The following LHFPL3 variants were observed in gnomAD, a reference collection of about 807,000 sequenced individuals.
LHFPL3 encodes the protein LHFPL tetraspan subfamily member 3.
LHFPL3 carries 5 observed loss-of-function variants against 19.3 expected under a neutral mutation model. That is an observed-to-expected ratio of 0.26 (90% CI 0.14 to 0.54). The LOEUF (loss-of-function observed/expected upper bound fraction) is 0.54, where lower values mean the gene tolerates loss of function less well. Among genes scored for constraint, LHFPL3 ranks in the 20% least tolerant of loss-of-function variants. The pLI is 0.94. For synonymous variants in LHFPL3, 133 were observed against 126.2 expected (o/e 1.05, Z -0.36); for missense variants, 249 against 307.4 (o/e 0.81, Z 1.42).
chr7:104,790,373 C>A (rs1790002970), intron 2 of LHFPL3, among the ~76,000 whole-genome samples: 1 of 152,168 alleles, frequency 6.6e-6, no homozygotes, highest in Admixed American at 6.5e-5. Context: ...ACAGAGCCTG[C>A]TTGTCTACAA....
chr7:104,403,725 T>TCTCTCTCTCTCTCTCTC (rs1791360457), intron 1 of LHFPL3, among the ~76,000 whole-genome samples: 1 of 143,596 alleles, frequency 7.0e-6, no homozygotes, highest in African/African-American at 2.6e-5. Context: ...TTAGTGAACA[T>TCTCTCTCTCTCTCTCTC]TCTCTCTCTC....
At chr7:104,717,155 T>A (rs1793402829) in intron 1 of LHFPL3, among the ~76,000 whole-genome samples, 1 of 151,862 alleles carries the variant, frequency 6.6e-6, no homozygotes, top group Non-Finnish European at 1.5e-5. Context: ...AAAAATCAAG[T>A]CAAAATGGAT....
intron 1 of LHFPL3, among the ~76,000 whole-genome samples, chr7:104,460,138 A>G (rs1348984333): frequency 6.6e-6 from 1 of 152,138 alleles, no homozygotes; most frequent in South Asian, 2.1e-4. Flanking sequence ...GCTAAGGATA[A>G]TGACCCCCAG....
At chr7:104,493,925 A>C (rs537217987) in intron 1 of LHFPL3, among the ~76,000 whole-genome samples, 1 of 152,320 alleles carries the variant, frequency 6.6e-6, no homozygotes, top group Non-Finnish European at 1.5e-5. Flanking sequence ...GTAAGTGTAA[A>C]AAACACACCA....
At chr7:104,737,831 A>C (rs778736434) in intron 2 of LHFPL3, among the ~76,000 whole-genome samples, 6 of 152,170 alleles carry the variant, frequency 3.9e-5, no homozygotes, top group Non-Finnish European at 7.4e-5. Flanking sequence ...CCATCCTTGA[A>C]GTATGAGATT....
intron 1 of LHFPL3, among the ~76,000 whole-genome samples, chr7:104,385,667 T>TATTCATTCATTC (rs58386795): frequency 1.5e-4 from 23 of 151,644 alleles, no homozygotes; most frequent in Admixed American, 3.3e-4. Context: ...CATGGCAATT[T>TATTCATTCATTC]ATTCATTCAT....
chr7:104,358,823 G>T (rs1419702902), intron 1 of LHFPL3, among the ~76,000 whole-genome samples: 1 of 152,170 alleles, frequency 6.6e-6, no homozygotes, highest in Non-Finnish European at 1.5e-5. Flanking sequence ...TTCTTTTCAG[G>T]CTGGATCTTT....
intron 2 of LHFPL3, among the ~76,000 whole-genome samples, chr7:104,841,352 A>G (rs536077914): frequency 2.6e-4 from 40 of 152,294 alleles, no homozygotes; most frequent in African/African-American, 9.6e-4. Context: ...TTCTGCATAA[A>G]GCCCATCTTC....
At chr7:104,430,391 T>TATATATATATATAC (rs1562895044) in intron 1 of LHFPL3, among the ~76,000 whole-genome samples, 1 of 51,058 alleles carries the variant, frequency 2.0e-5, no homozygotes, top group African/African-American at 1.7e-4. Flanking sequence ...TACATATATA[T>TATATATATATATAC]ATATATATAT....
chr7:104,392,466 C>G (rs1203624220), intron 1 of LHFPL3, among the ~76,000 whole-genome samples: 5 of 151,694 alleles, frequency 3.3e-5, no homozygotes, highest in Non-Finnish European at 7.4e-5. Context: ...GTCTTTGGTT[C>G]TGTTTATATG....
chr7:104,504,035 T>C (rs1584364631), intron 1 of LHFPL3, among the ~76,000 whole-genome samples: 1 of 152,226 alleles, frequency 6.6e-6, no homozygotes, highest in Admixed American at 6.5e-5. Flanking sequence ...GAGAAGATAG[T>C]AGTCAAGTCA....
intron 1 of LHFPL3, among the ~76,000 whole-genome samples, chr7:104,555,111 A>G (rs1412471491): frequency 6.6e-6 from 1 of 152,160 alleles, no homozygotes; most frequent in African/African-American, 2.4e-5. Context: ...CTCCTCTAGA[A>G]ACACCCTCAC....
chr7:104,570,607 C>T (rs1584409407), intron 1 of LHFPL3, among the ~76,000 whole-genome samples: 1 of 152,186 alleles, frequency 6.6e-6, no homozygotes, highest in Non-Finnish European at 1.5e-5. Context: ...GTACCTGTCG[C>T]TGTTTGTCTT....
chr7:104,800,555 C>T (rs1338740005), intron 2 of LHFPL3, among the ~76,000 whole-genome samples: 1 of 152,186 alleles, frequency 6.6e-6, no homozygotes, highest in Non-Finnish European at 1.5e-5. Flanking sequence ...AACCCTCTTT[C>T]TCCCAACTGT....
intron 1 of LHFPL3, among the ~76,000 whole-genome samples, chr7:104,584,221 C>A (rs1165259001): frequency 6.6e-6 from 1 of 151,968 alleles, no homozygotes. Flanking sequence ...AAAAACCAAA[C>A]ACCGCATGTT....
chr7:104,594,634 T>C (rs925403177), intron 1 of LHFPL3, among the ~76,000 whole-genome samples: 1 of 152,218 alleles, frequency 6.6e-6, no homozygotes, highest in African/African-American at 2.4e-5. Context: ...AATAGTGTTT[T>C]CCACCTTGGT....
At chr7:104,368,327 A>T (rs1790534828) in intron 1 of LHFPL3, among the ~76,000 whole-genome samples, 1 of 152,068 alleles carries the variant, frequency 6.6e-6, no homozygotes. Flanking sequence ...CTACCCTCTC[A>T]TTTTTTGAAA....
At chr7:104,506,173 C>A (rs1793694583) in intron 1 of LHFPL3, among the ~76,000 whole-genome samples, 1 of 152,138 alleles carries the variant, frequency 6.6e-6, no homozygotes, top group Admixed American at 6.5e-5. Context: ...TGTGCCAACA[C>A]ACCCAGCTAA....
chr7:104,796,141 C>A (rs1584538362), intron 2 of LHFPL3, among the ~76,000 whole-genome samples: 2 of 152,118 alleles, frequency 1.3e-5, no homozygotes, highest in South Asian at 4.1e-4. Context: ...ATAGTGCAGC[C>A]CCAAGTTAGG....
Sources: gnomAD v4.1 joint callset for allele counts (sites outside exome capture counted in the v4.1 genomes callset) on GRCh38, gnomAD v4.1.1 for gene constraint, MANE v1.5 for transcripts, NCBI Gene and HGNC (gene_info 2026-07-23, HGNC 2026-07-21) for gene names.